Variants in MAP3K5 observed in about 807,000 individuals in gnomAD.
The protein encoded by MAP3K5 is mitogen-activated protein kinase kinase kinase 5.
A neutral mutation model predicts 158.7 loss-of-function variants in MAP3K5; 56 were observed. The observed-to-expected ratio is 0.35, with a 90% CI of 0.28 to 0.44. The LOEUF (loss-of-function observed/expected upper bound fraction) is 0.44, where lower values mean the gene tolerates loss of function less well. Among genes scored for constraint, MAP3K5 ranks in the 20% least tolerant of loss-of-function variants. The pLI, the probability that MAP3K5 is intolerant of heterozygous loss-of-function variation, is 1.00. For missense variants in MAP3K5, 1,294 were observed against 1,674.8 expected, an observed-to-expected ratio of 0.77 and a Z score of 3.97; for synonymous variants, 579 against 601.7, an observed-to-expected ratio of 0.96 and a Z score of 0.55.
At chr6:136,782,175 G>A (rs1231794979) in intron 1 of MAP3K5, among the ~76,000 whole-genome samples, 2 of 151,904 alleles carry the variant, frequency 1.3e-5, no homozygotes, top group Non-Finnish European at 2.9e-5. Flanking sequence ...AACACTTTGG[G>A]AGGCTAAGGT....
chr6:136,656,729 A>G (rs1583357482), intron 9 of MAP3K5, among the ~76,000 whole-genome samples: 1 of 151,618 alleles, frequency 6.6e-6, no homozygotes, highest in African/African-American at 2.4e-5. Context: ...GGTTCATGCC[A>G]TTCTGCCTCA....
At chr6:136,599,032 G>A (rs1036139194) in intron 21 of MAP3K5, among the ~76,000 whole-genome samples, 7 of 152,164 alleles carry the variant, frequency 4.6e-5, no homozygotes, top group African/African-American at 7.2e-5. Context: ...TTAGCTGGGC[G>A]TGGTAGTGGG....
intron 1 of MAP3K5, among the ~76,000 whole-genome samples, chr6:136,767,809 A>T (rs1365093375): frequency 6.6e-6 from 1 of 152,236 alleles, no homozygotes; most frequent in Non-Finnish European, 1.5e-5. Context: ...AAAGTAATCA[A>T]GACTATGTGG....
intron 3 of MAP3K5, among the ~76,000 whole-genome samples, chr6:136,704,758 C>T (rs546404327): frequency 3.3e-5 from 5 of 152,176 alleles, no homozygotes; most frequent in East Asian, 1.9e-4. Context: ...GTTGCCCAGG[C>T]TGTTCTTGAA....
Position 136,694,189 on chromosome 6 carries a change from A to G in MAP3K5, c.1204T>C (p.Leu402=). 6.2e-7 allele frequency: 1 copy of G among 1,613,898 alleles called. No homozygotes were observed. The highest frequency in any genetic ancestry group is 8.5e-7 in the Non-Finnish European group (1 of 1,179,916). The part of the protein sequence containing the change: ...LVGRIYKDMF[L]DSNFTDTESR... ...TCAGTGTCCGTGAAATTAGAGTCCA[A>G]AAACATATCTTTGTAGATTCGACCA... The change falls in exon 7 of 30, where the codon TTG becomes CTG. Residue 402 remains leucine (L), a synonymous_variant. Coordinates refer to ENST00000359015, the MANE Select transcript of MAP3K5 (RefSeq NM_005923.4).
chr6:136,679,793 T>G (rs1304978137), intron 7 of MAP3K5, among the ~76,000 whole-genome samples: 1 of 152,306 alleles, frequency 6.6e-6, no homozygotes, highest in East Asian at 1.9e-4. Context: ...ACAATTTTCT[T>G]CTGGGTATAT....
intron 1 of MAP3K5, among the ~76,000 whole-genome samples, chr6:136,755,351 A>G (rs1298066979): frequency 6.6e-6 from 1 of 151,968 alleles, no homozygotes; most frequent in Non-Finnish European, 1.5e-5. Flanking sequence ...AGGCCCTCAG[A>G]CACAGGGTCT....
chr6:136,777,277 T>C (rs1045057057), intron 1 of MAP3K5, among the ~76,000 whole-genome samples: 3 of 152,222 alleles, frequency 2.0e-5, no homozygotes, highest in Non-Finnish European at 2.9e-5. Context: ...CTCTAGAGTA[T>C]CTACAAATCT....
chr6:136,647,353 C>T (rs1778308538), intron 11 of MAP3K5, among the ~76,000 whole-genome samples: 1 of 152,180 alleles, frequency 6.6e-6, no homozygotes, highest in African/African-American at 2.4e-5. Flanking sequence ...TCTCATTTTA[C>T]ATACATGGCA....
chr6:136,768,159 A>G (rs553588095), intron 1 of MAP3K5, among the ~76,000 whole-genome samples: 2 of 152,370 alleles, frequency 1.3e-5, no homozygotes, highest in Non-Finnish European at 2.9e-5. Context: ...ATGCTTTCTT[A>G]CGTAAGACAA....
At chr6:136,579,056 A>G (rs1774746200) in intron 25 of MAP3K5, among the ~76,000 whole-genome samples, 3 of 152,024 alleles carry the variant, frequency 2.0e-5, no homozygotes, top group Admixed American at 1.3e-4. Flanking sequence ...TATTGATCTT[A>G]TCCTTTTAAA....
At chr6:136,577,495 C>G (rs1157439217) in intron 25 of MAP3K5, among the ~76,000 whole-genome samples, 1 of 152,212 alleles carries the variant, frequency 6.6e-6, no homozygotes, top group Non-Finnish European at 1.5e-5. Flanking sequence ...AAACCAATTT[C>G]ATGGTGGAAG....
intron 26 of MAP3K5, 70 bp downstream of exon 26, chr6:136,567,561 A>G: frequency 6.8e-7 from 1 of 1,471,558 alleles, no homozygotes; most frequent in Non-Finnish European, 9.2e-7. Flanking sequence ...CATATTCTGT[A>G]GACCAAAAAC....
intron 2 of MAP3K5, among the ~76,000 whole-genome samples, chr6:136,715,061 A>C (rs1048931632): frequency 2.0e-5 from 3 of 152,208 alleles, no homozygotes; most frequent in African/African-American, 7.2e-5. Context: ...AATACAACTA[A>C]ATTTTTTGAA....
intron 1 of MAP3K5, among the ~76,000 whole-genome samples, chr6:136,789,752 A>C (rs1303912670): frequency 2.9e-5 from 4 of 139,872 alleles, no homozygotes; most frequent in Middle Eastern, 4.0e-3. Context: ...GCAGTGGTAC[A>C]ATCTCAGCTC....
chr6:136,791,951 C>T lies in MAP3K5; in HGVS notation c.207G>A (p.Ala69=). The stretch of plus-strand genomic sequence containing the variant: ...GGGTGGCACTGCTCGAGGAGGTGGC[C>T]GCCGGACAACCGATGCCAGGGGCAG... ...SAAAPGIGCP[A]ATSSSSATRG... Residue 69 remains alanine (A), a synonymous_variant, in exon 1 of 30, where the codon GCG becomes GCA. Coordinates refer to ENST00000359015, the MANE Select transcript of MAP3K5 (RefSeq NM_005923.4). 6.2e-7 allele frequency: 1 copy of T among 1,610,882 alleles called. No individual in the cohort carries two copies. The highest frequency in any genetic ancestry group is 8.5e-7 in the Non-Finnish European group (1 of 1,178,960).
chr6:136,642,645 T>C, intron 11 of MAP3K5, 76 bp from the exon 12 acceptor site: 1 of 1,053,284 alleles, frequency 9.5e-7, no homozygotes, highest in Non-Finnish European at 1.5e-6. Flanking sequence ...TGTTTAATTA[T>C]TTTTAAAGTG....
intron 7 of MAP3K5, among the ~76,000 whole-genome samples, 155 bp from the exon 8 acceptor site, chr6:136,669,550 T>C (rs1779378773): frequency 6.6e-6 from 1 of 152,208 alleles, no homozygotes; most frequent in Non-Finnish European, 1.5e-5. Flanking sequence ...ACTTAACGCT[T>C]CAGAAACTGC....
intron 2 of MAP3K5, among the ~76,000 whole-genome samples, chr6:136,717,326 A>G (rs940846925): frequency 6.6e-6 from 1 of 152,200 alleles, no homozygotes; most frequent in Non-Finnish European, 1.5e-5. Context: ...AGCTCCCATT[A>G]CTTTTCCAGG....
Sources: gnomAD v4.1 joint callset for allele counts (sites outside exome capture counted in the v4.1 genomes callset) on GRCh38, gnomAD v4.1.1 for gene constraint, MANE v1.5 for transcripts, NCBI Gene and HGNC (gene_info 2026-07-23, HGNC 2026-07-21) for gene names.